COBLL1: variants seen among roughly 807,000 people sequenced by gnomAD.
COBLL1 encodes cordon-bleu WH2 repeat protein like 1.
In COBLL1, 50 loss-of-function variants were observed where a neutral mutation model predicts 94.8. That is an observed-to-expected ratio of 0.53 (90% CI 0.42 to 0.67). The LOEUF (loss-of-function observed/expected upper bound fraction) is 0.67, where lower values mean the gene tolerates loss of function less well. Among genes scored for constraint, COBLL1 ranks in the 30% least tolerant of loss-of-function variants. The probability of loss-of-function intolerance (pLI) is 0.00; values close to 1 mark genes in which losing one functional copy is unlikely to be tolerated. For synonymous variants in COBLL1, 448 were observed against 473.8 expected (o/e 0.95, Z 0.71); for missense variants, 1,362 against 1,348.7 (o/e 1.01, Z -0.15).
chr2:164,710,615 A>T (rs1402048494), intron 7 of COBLL1, among the ~76,000 whole-genome samples: 1 of 146,398 alleles, frequency 6.8e-6, no homozygotes, highest in Non-Finnish European at 1.5e-5. Context: ...CCCAGGCTGG[A>T]GTACAGTGGT....
chr2:164,687,533 T>C, intron 13 of COBLL1: 2 of 1,299,398 alleles, frequency 1.5e-6, no homozygotes, highest in Admixed American at 3.4e-5. Flanking sequence ...ACTTGGCCAA[T>C]GTGACCCCTG....
rs1042273272 is a variant in COBLL1, at chr2:164,669,302, T to C, written n.127-3401A>G. On this transcript the variant is annotated intron_variant and non_coding_transcript_variant, in intron 1 of 2. Coordinates refer to the COBLL1 transcript ENST00000495084. The stretch of plus-strand genomic sequence containing the variant: ...GACAAACATGAATGCTACCTGGTAA[T>C]ATAAAAAAACACATTCTGATTGCTT... Among the ~76,000 whole-genome samples, 9 of 152,260 alleles carry C rather than the reference T, an allele frequency of 5.9e-5. No homozygotes were observed. In the South Asian group the frequency reaches 1.7e-3, roughly 28 times the overall value.
chr2:164,790,754 A>G (rs1574594483), intron 2 of COBLL1, among the ~76,000 whole-genome samples: 1 of 152,330 alleles, frequency 6.6e-6, no homozygotes, highest in South Asian at 2.1e-4. Flanking sequence ...AGGTTTAAGA[A>G]GTAAAGAAAG....
At chr2:164,778,590 G>A (rs1688585481) in intron 2 of COBLL1, among the ~76,000 whole-genome samples, 1 of 152,132 alleles carries the variant, frequency 6.6e-6, no homozygotes, top group African/African-American at 2.4e-5. Flanking sequence ...GCGACAGAGT[G>A]AGTGAGACAA....
chr2:164,670,570 T>C (rs887926232), intron 1 of COBLL1, among the ~76,000 whole-genome samples: 1 of 152,224 alleles, frequency 6.6e-6, no homozygotes, highest in African/African-American at 2.4e-5. Context: ...TAAAAATGAA[T>C]ACAGTGTTTT....
Position 164,700,552 on chromosome 2 carries a change from T to C in COBLL1, c.1430A>G (p.Glu477Gly). ...ATCTGTGCTTTTAGTTTCTTGTTTT[T>C]CTTCCATGGAGTTTTGTGAGAACTC... ...SGEFSQNSME[E>G]KQETKSTDGQ... The change falls in exon 10 of 14, where the codon GAA becomes GGA. Residue 477 changes from glutamate (E) to glycine (G), a missense_variant. Coordinates refer to ENST00000652658, the MANE Select transcript of COBLL1 (RefSeq NM_001365672.2). 1.2e-6 allele frequency: 2 copies of C among 1,613,614 alleles called. No individual in the cohort carries two copies. The highest frequency in any genetic ancestry group is 8.5e-7 in the Non-Finnish European group (1 of 1,179,678).
chr2:164,676,463 A>G (rs1272334566), downstream of COBLL1, among the ~76,000 whole-genome samples: 1 of 152,250 alleles, frequency 6.6e-6, no homozygotes, highest in Non-Finnish European at 1.5e-5. Context: ...AAGGCATTCT[A>G]TATCATTTGG....
intron 3 of COBLL1, among the ~76,000 whole-genome samples, chr2:164,742,853 G>C (rs753174879): frequency 2.6e-5 from 4 of 151,880 alleles, no homozygotes; most frequent in African/African-American, 9.7e-5. Flanking sequence ...CACACACACA[G>C]AGAAAGAGAG....
chr2:164,714,154 AACACAC>A (rs10563101), intron 7 of COBLL1, among the ~76,000 whole-genome samples: 18 of 148,462 alleles, frequency 1.2e-4, no homozygotes, highest in Admixed American at 2.0e-4. Flanking sequence ...AATAGAAAGA[AACACAC>A]ACACACACAC....
At chr2:164,820,411 G>A (rs1383620660) in intron 2 of COBLL1, among the ~76,000 whole-genome samples, 1 of 151,754 alleles carries the variant, frequency 6.6e-6, no homozygotes, top group Non-Finnish European at 1.5e-5. Flanking sequence ...TACAGATTTG[G>A]GGTTTTGCCA....
rs1558960475 is a variant in COBLL1, at chr2:164,729,934, G to A, written c.412C>T (p.Pro138Ser). ...LKPKMLDKKK[P>S]TPIIPEKTVR... ...CTTACCTCTGGTATTATAGGTGTAGGTTTTTTCTTATCCAACATTTTTGGC... is the reference window on the plus strand; with the variant it reads ...CTTACCTCTGGTATTATAGGTGTAGATTTTTTCTTATCCAACATTTTTGGC... Residue 138 changes from proline to serine, a missense_variant, in exon 4 of 14, where the codon CCT becomes TCT. Transcript: ENST00000652658. 6.2e-7 allele frequency: 1 copy of A among 1,613,396 alleles called. No individual in the cohort carries two copies. The highest frequency in any genetic ancestry group is 1.1e-5 in the South Asian group (1 of 91,042).
chr2:164,767,022 G>A (rs1044284730), intron 2 of COBLL1, among the ~76,000 whole-genome samples: 4 of 152,164 alleles, frequency 2.6e-5, no homozygotes, highest in African/African-American at 7.2e-5. Context: ...TATATCATAA[G>A]GATAATGAAT....
chr2:164,824,981 C>T (rs1685356028), intron 2 of COBLL1, among the ~76,000 whole-genome samples: 2 of 152,186 alleles, frequency 1.3e-5, no homozygotes, highest in South Asian at 4.1e-4. Flanking sequence ...GGATTCCAGG[C>T]TCATATCTAC....
In COBLL1 at chr2:164,768,414, A is replaced by G. The variant is rs1688042330; in HGVS notation, c.42-24539T>C. Among the ~76,000 whole-genome samples, 7 of 141,754 alleles carry G rather than the reference A, an allele frequency of 4.9e-5. No homozygotes were observed. The South Asian group carries it at 1.5e-3, about 31-fold the overall frequency. 93.0% of individuals were successfully genotyped at this position (141,754 alleles called of 152,430 possible). On this transcript the variant is annotated intron_variant, in intron 2 of 13. Coordinates refer to ENST00000652658, the MANE Select transcript of COBLL1 (RefSeq NM_001365672.2). ...TCGTAAACTTTCTTAAAACATTATG[A>G]GATTTTTTTTTTTTAGCATATCAGC...
rs1242287779 is a variant in COBLL1, at chr2:164,694,825, C to G, written c.2567G>C (p.Arg856Pro). ...GGGTTTGGCCTGGGCATTTGAAGCC[C>G]GAGATTTAAATTTTGATTCCAAAAT... The part of the protein sequence containing the change: ...NNILESKFKS[R>P]ASNAQAKPSS... Residue 856 changes from arginine (R) to proline (P), a missense_variant, in exon 12 of 14, where the codon CGG becomes CCG. Arg to Pro is a moderately radical substitution (Grantham distance 103). Coordinates refer to ENST00000652658, the MANE Select transcript of COBLL1 (RefSeq NM_001365672.2). 1 of 1,613,622 alleles carries G rather than the reference C, an allele frequency of 6.2e-7. No individual in the cohort carries two copies. Among genetic ancestry groups the G allele is most frequent in the African/African-American group, 1.3e-5 (1 of 74,826 alleles).
At position 164,722,318 on chromosome 2, in the gene COBLL1, A is replaced by G; in HGVS notation, c.760-7T>C. The stretch of plus-strand genomic sequence containing the variant: ...TTGCAGGGGCACTTGCAGTCTAGTA[A>G]AGAATGACAAAGACAAAATCTAGTA... On this transcript the variant is annotated splice_polypyrimidine_tract_variant and splice_region_variant and intron_variant, in intron 6 of 13. Transcript: ENST00000652658. 1 of 1,604,270 alleles carries G rather than the reference A, an allele frequency of 6.2e-7. No individual in the cohort carries two copies. Among genetic ancestry groups the G allele is most frequent in the African/African-American group, 1.3e-5 (1 of 74,716 alleles).
chr2:164,830,017 T>C (rs201113851), intron 2 of COBLL1, among the ~76,000 whole-genome samples: 1 of 152,160 alleles, frequency 6.6e-6, no homozygotes, highest in South Asian at 2.1e-4. Flanking sequence ...ATGGTGATAA[T>C]GGGTACAAAA....
chr2:164,706,524 T>C (rs1018135540), intron 7 of COBLL1, among the ~76,000 whole-genome samples: 2 of 152,216 alleles, frequency 1.3e-5, no homozygotes, highest in African/African-American at 2.4e-5. Flanking sequence ...CTCCCCTTAA[T>C]GTCTGAAGCC....
At position 164,789,574 on chromosome 2, in the gene COBLL1, G is replaced by A. The variant is rs538983453; in HGVS notation, c.42-45699C>T. 5.9e-5 allele frequency among the ~76,000 whole-genome samples: 9 copies of A among 152,156 alleles called. No homozygotes were observed. In the South Asian group the frequency reaches 1.9e-3, roughly 32 times the overall value. On this transcript the variant is annotated intron_variant, in intron 2 of 13. Transcript: ENST00000652658. ...AGTTTAAGTTGTTTGGCATAGAGGGGGAGCTCAGAGGGTATGTTAGAAAAC... is the reference window on the plus strand; with the variant it reads ...AGTTTAAGTTGTTTGGCATAGAGGGAGAGCTCAGAGGGTATGTTAGAAAAC...
Sources: allele counts gnomAD v4.1 joint callset (sites outside exome capture counted in the v4.1 genomes callset), GRCh38; gene constraint gnomAD v4.1.1; transcripts MANE v1.5; gene names NCBI Gene and HGNC (gene_info 2026-07-23, HGNC 2026-07-21).